The following SORCS1 variants were observed in gnomAD, a reference collection of about 807,000 sequenced individuals.
SORCS1 encodes sortilin related VPS10 domain containing receptor 1, also known as VPS10 domain-containing receptor SorCS1.
In SORCS1, 60 loss-of-function variants were observed where a neutral mutation model predicts 146.1. The observed-to-expected ratio is 0.41, with a 90% confidence interval of 0.33 to 0.51. SORCS1 has a LOEUF of 0.51. SORCS1 is among the 20% of genes least tolerant of loss of function. SORCS1 has a pLI of 0.21. For missense variants in SORCS1, 1,352 were observed against 1,487.6 expected (o/e 0.91, Z 1.50); for synonymous variants, 637 against 584.0 (o/e 1.09, Z -1.31).
At chr10:106,978,022 C>A (rs938245168) in intron 1 of SORCS1, among the ~76,000 whole-genome samples, 3 of 152,234 alleles carry the variant, frequency 2.0e-5, no homozygotes, top group Non-Finnish European at 4.4e-5. Flanking sequence ...CGGCTCACTA[C>A]AACCTCTGCC....
intron 1 of SORCS1, 44 bp from the exon 2 acceptor site, chr10:106,956,624 A>C (rs776583788): frequency 1.3e-6 from 2 of 1,560,058 alleles, no homozygotes; most frequent in Non-Finnish European, 1.8e-6. Flanking sequence ...AAACAATTAC[A>C]ATCTCTTAGA....
chr10:107,001,029 T>C (rs985554832), intron 1 of SORCS1, among the ~76,000 whole-genome samples: 1 of 152,186 alleles, frequency 6.6e-6, no homozygotes. Flanking sequence ...ATAAAAATGT[T>C]TTCCTAATGA....
At chr10:106,933,789 C>T (rs1036833532) in intron 2 of SORCS1, among the ~76,000 whole-genome samples, 5 of 152,134 alleles carry the variant, frequency 3.3e-5, no homozygotes, top group Non-Finnish European at 5.9e-5. Context: ...TCAATAGCAA[C>T]TTCAACTATG....
At chr10:106,913,987 C>T (rs552939720) in intron 2 of SORCS1, among the ~76,000 whole-genome samples, 1 of 152,324 alleles carries the variant, frequency 6.6e-6, no homozygotes, top group South Asian at 2.1e-4. Flanking sequence ...ACCAAATCAA[C>T]CAATACACAC....
intron 1 of SORCS1, among the ~76,000 whole-genome samples, chr10:107,035,281 A>AC (rs1589982751): frequency 6.7e-6 from 1 of 148,926 alleles, no homozygotes; most frequent in East Asian, 2.0e-4. Context: ...AAAAACAACA[A>AC]AAAAAAAAAC....
At chr10:106,841,866 T>C (rs1164645697) in intron 2 of SORCS1, among the ~76,000 whole-genome samples, 4 of 152,262 alleles carry the variant, frequency 2.6e-5, no homozygotes, top group African/African-American at 9.6e-5. Flanking sequence ...GTTTCGACAA[T>C]TATAAATAAA....
chr10:106,723,159 A>C (rs1379237798), intron 6 of SORCS1, among the ~76,000 whole-genome samples: 2 of 152,160 alleles, frequency 1.3e-5, no homozygotes, highest in Admixed American at 1.3e-4. Flanking sequence ...TATCTCTACT[A>C]AAAACGTAAA....
At chr10:107,107,045 T>C (rs1965356884) in intron 1 of SORCS1, among the ~76,000 whole-genome samples, 1 of 152,196 alleles carries the variant, frequency 6.6e-6, no homozygotes, top group Non-Finnish European at 1.5e-5. Flanking sequence ...TCTGTTATAG[T>C]AGCCCAAACA....
intron 14 of SORCS1, among the ~76,000 whole-genome samples, 166 bp downstream of exon 14, chr10:106,674,883 G>A (rs926139990): frequency 6.6e-6 from 1 of 152,114 alleles, no homozygotes; most frequent in South Asian, 2.1e-4. Context: ...AGAGAACCAA[G>A]AAAATAGCTG....
At chr10:106,958,661 C>A (rs1955079460) in intron 1 of SORCS1, among the ~76,000 whole-genome samples, 1 of 151,986 alleles carries the variant, frequency 6.6e-6, no homozygotes, top group Non-Finnish European at 1.5e-5. Context: ...TTCCTTCCTT[C>A]CAGGTCCTGT....
intron 1 of SORCS1, among the ~76,000 whole-genome samples, chr10:107,135,818 CT>C (rs1967254595): frequency 6.6e-6 from 1 of 152,098 alleles, no homozygotes; most frequent in African/African-American, 2.4e-5. Context: ...GTTTATGTTT[CT>C]TTTTTAAAGT....
At chr10:106,997,944 C>G (rs967482681) in intron 1 of SORCS1, among the ~76,000 whole-genome samples, 2 of 152,160 alleles carry the variant, frequency 1.3e-5, no homozygotes, top group African/African-American at 2.4e-5. Flanking sequence ...AAGGACTTTG[C>G]ATTCGTGACC....
intron 20 of SORCS1, among the ~76,000 whole-genome samples, chr10:106,619,013 T>A (rs1847564939): frequency 6.6e-6 from 1 of 152,336 alleles, no homozygotes; most frequent in African/African-American, 2.4e-5. Flanking sequence ...TTCCCATCTT[T>A]TCTTAATTAA....
chr10:106,699,475 A>T, intron 8 of SORCS1, 82 bp from the exon 9 acceptor site: 1 of 1,261,384 alleles, frequency 7.9e-7, no homozygotes, highest in Non-Finnish European at 1.1e-6. Context: ...TGTGGAATCA[A>T]ATGAGGAATA....
chr10:106,622,943 A>G (rs1589499265), intron 19 of SORCS1, among the ~76,000 whole-genome samples: 1 of 152,224 alleles, frequency 6.6e-6, no homozygotes, highest in East Asian at 1.9e-4. Context: ...TGTCCCAGGC[A>G]TTGGAAAATG....
chr10:106,763,078 T>C (rs886991980), intron 4 of SORCS1, among the ~76,000 whole-genome samples: 2 of 152,184 alleles, frequency 1.3e-5, no homozygotes, highest in Non-Finnish European at 2.9e-5. Flanking sequence ...CTATGTCATA[T>C]AGATATATCG....
chr10:106,952,639 T>C (rs1589778041), intron 2 of SORCS1, among the ~76,000 whole-genome samples: 1 of 149,832 alleles, frequency 6.7e-6, no homozygotes, highest in Non-Finnish European at 1.5e-5. Flanking sequence ...TATTCTCTGT[T>C]TTCTAAATTA....
At chr10:107,059,298 A>G (rs749387760) in intron 1 of SORCS1, among the ~76,000 whole-genome samples, 3 of 152,232 alleles carry the variant, frequency 2.0e-5, no homozygotes, top group Non-Finnish European at 4.4e-5. Flanking sequence ...TCTTTCAGCA[A>G]CAGTGACAAA....
intron 2 of SORCS1, among the ~76,000 whole-genome samples, chr10:106,924,441 A>G (rs536947341): frequency 3.4e-4 from 51 of 151,796 alleles, no homozygotes; most frequent in Non-Finnish European, 6.3e-4. Flanking sequence ...ATAATTTTTA[A>G]TATTATGAAA....
Sources: gnomAD v4.1 joint callset for allele counts (sites outside exome capture counted in the v4.1 genomes callset) on GRCh38, gnomAD v4.1.1 for gene constraint, MANE v1.5 for transcripts, NCBI Gene and HGNC (gene_info 2026-07-23, HGNC 2026-07-21) for gene names.